ARHGAP39: variants seen among roughly 807,000 people sequenced by gnomAD.
The protein encoded by ARHGAP39 is Rho GTPase activating protein 39.
A neutral mutation model predicts 106.9 loss-of-function variants in ARHGAP39; 44 were observed. The ratio of observed to expected loss-of-function variants is 0.41; its 90% CI spans 0.32 to 0.53. The LOEUF is 0.53. ARHGAP39 is among the 20% of genes least tolerant of loss of function. ARHGAP39 has a pLI of 0.21. For missense variants in ARHGAP39, 1,496 were observed against 1,577.3 expected, an observed-to-expected ratio of 0.95 and a Z score of 0.87; for synonymous variants, 768 against 693.2, an observed-to-expected ratio of 1.11 and a Z score of -1.69.
intron 5 of ARHGAP39, among the ~76,000 whole-genome samples, chr8:144,546,690 G>A (rs140828357): frequency 4.6e-5 from 7 of 152,288 alleles, no homozygotes; most frequent in South Asian, 4.1e-4. Context: ...CTGTCCTCCC[G>A]GCAGTTCTTC....
At chr8:144,557,928 G>A (rs1342201692) in intron 3 of ARHGAP39, among the ~76,000 whole-genome samples, 3 of 152,230 alleles carry the variant, frequency 2.0e-5, no homozygotes, top group African/African-American at 7.2e-5. Flanking sequence ...ATATTTGAAA[G>A]GAAGACATAA....
At position 144,621,418 on chromosome 8, in the gene ARHGAP39, A is replaced by G. The variant is rs190361527; in HGVS notation, c.-81-15723T>C. On this transcript the variant is annotated intron_variant, in intron 1 of 11. Coordinates refer to ENST00000377307, the MANE Select transcript of ARHGAP39 (RefSeq NM_025251.3). ...ACAAACCCCAGGAAGAGACAGTCCC[A>G]TGGCTTCATATCAACACGACAGGGT... Among the ~76,000 whole-genome samples, 382 of 152,352 alleles carry G rather than the reference A, an allele frequency of 2.5e-3. 4 individuals are homozygous for G. The highest frequency in any genetic ancestry group is 9.8e-4 in the Non-Finnish European group (67 of 68,032).
chr8:144,602,311 GTGCA>G (rs1820034624), intron 2 of ARHGAP39, among the ~76,000 whole-genome samples: 1 of 138,928 alleles, frequency 7.2e-6, no homozygotes, highest in African/African-American at 2.7e-5. Context: ...ACCTGTGTGT[GTGCA>G]TGGAGGCGTG....
chr8:144,532,639 C>A (rs111825321), intron 9 of ARHGAP39, among the ~76,000 whole-genome samples: 1 of 152,142 alleles, frequency 6.6e-6, no homozygotes, highest in South Asian at 2.1e-4. Flanking sequence ...CTCCCTGGAC[C>A]CCTGCTGGCT....
intron 2 of ARHGAP39, among the ~76,000 whole-genome samples, chr8:144,593,556 A>T (rs1819486153): frequency 6.6e-6 from 1 of 152,192 alleles, no homozygotes; most frequent in Non-Finnish European, 1.5e-5. Flanking sequence ...CACATGCAAT[A>T]AGACAAACAA....
intron 2 of ARHGAP39, among the ~76,000 whole-genome samples, chr8:144,603,938 T>C (rs1034456576): frequency 1.1e-4 from 17 of 152,180 alleles, no homozygotes; most frequent in Non-Finnish European, 1.5e-5. Flanking sequence ...TGGGCGCTTA[T>C]GCACCAAGCC....
chr8:144,619,676 G>A (rs1165464390), intron 1 of ARHGAP39, among the ~76,000 whole-genome samples: 1 of 151,442 alleles, frequency 6.6e-6, no homozygotes, highest in African/African-American at 2.4e-5. Flanking sequence ...CTGAGAGCAC[G>A]TATGCCTGTG....
intron 2 of ARHGAP39, among the ~76,000 whole-genome samples, chr8:144,598,604 G>A (rs1219051844): frequency 6.6e-6 from 1 of 152,222 alleles, no homozygotes; most frequent in African/African-American, 2.4e-5. Flanking sequence ...GATGCATGTG[G>A]AAAACAAACA....
intron 7 of ARHGAP39, among the ~76,000 whole-genome samples, chr8:144,534,406 G>A (rs1816869135): frequency 6.6e-6 from 1 of 152,200 alleles, no homozygotes; most frequent in Non-Finnish European, 1.5e-5. Context: ...TTCCCCACCT[G>A]CAGAGGGACA....
intron 3 of ARHGAP39, among the ~76,000 whole-genome samples, chr8:144,557,932 G>T (rs188082478): frequency 2.8e-4 from 43 of 152,322 alleles, no homozygotes; most frequent in Admixed American, 8.5e-4. Context: ...TTGAAAGGAA[G>T]ACATAAAAAT....
Position 144,586,855 on chromosome 8 carries a change from A to G in ARHGAP39, c.81-5578T>C, listed in dbSNP as rs545604153. Reference sequence around the variant, plus strand: ...CCCTACATGGCTGCACGCCCATCTCATACACCAGGATGGGCAATGATATGG... The same window carrying G: ...CCCTACATGGCTGCACGCCCATCTCGTACACCAGGATGGGCAATGATATGG... On this transcript the variant is annotated intron_variant, in intron 2 of 11. Transcript: ENST00000377307. This position sits in a 1 kb window ranked among gnomAD's most constrained non-coding sequence, Gnocchi z 4.2. Among the ~76,000 whole-genome samples, 31 of 152,162 alleles carry G rather than the reference A, an allele frequency of 2.0e-4. No individual in the cohort carries two copies. Among genetic ancestry groups the G allele is most frequent in the African/African-American group, 7.5e-4 (31 of 41,504 alleles).
At chr8:144,530,649 C>CGGGGGGGGGGGG in intron 11 of ARHGAP39, 33 bp from the exon 12 acceptor site, 1 of 134,168 alleles carries the variant, frequency 7.5e-6, no homozygotes, top group Non-Finnish European at 9.9e-6. Flanking sequence ...CGCGGAGGGG[C>CGGGGGGGGGGGG]GGGGGCGGGG....
intron 1 of ARHGAP39, among the ~76,000 whole-genome samples, chr8:144,636,225 C>T (rs1167569509): frequency 6.6e-6 from 1 of 152,144 alleles, no homozygotes; most frequent in African/African-American, 2.4e-5. Flanking sequence ...TCTTGGTGAC[C>T]ACAGGTAGAT....
Position 144,588,437 on chromosome 8 carries a change from G to A in ARHGAP39, c.81-7160C>T, listed in dbSNP as rs1013801646. ...GTATGTTAGCTAACATGTTTTCAGA[G>A]GAAGAGAAATGTGCCTCACCCTATG... On this transcript the variant is annotated intron_variant, in intron 2 of 11. Coordinates refer to ENST00000377307, the MANE Select transcript of ARHGAP39 (RefSeq NM_025251.3). 1.3e-5 allele frequency among the ~76,000 whole-genome samples: 2 copies of A among 152,388 alleles called. 1 individual carries two copies. The highest frequency in any genetic ancestry group is 1.3e-4 in the Admixed American group (2 of 15,310).
chr8:144,588,158 T>TG (rs1819253355), intron 2 of ARHGAP39, among the ~76,000 whole-genome samples: 1 of 152,182 alleles, frequency 6.6e-6, no homozygotes, highest in Non-Finnish European at 1.5e-5. Context: ...GACAGCACTG[T>TG]GGGGACTCGT....
In ARHGAP39 at chr8:144,605,601, T is replaced by G. The variant is rs1018398164; in HGVS notation, c.14A>C (p.Gln5Pro). 6.2e-7 allele frequency: 1 copy of G among 1,613,538 alleles called. No homozygotes were observed. The highest frequency in any genetic ancestry group is 2.2e-5 in the East Asian group (1 of 44,884). ...ATTATGGCTCCTGCACTCGTAGTCC[T>G]GCGTCTGGGACATCGCTGTTTGCTT... MSQT[Q>P]DYECRSHNVD... The change falls in exon 2 of 12, where the codon CAG (glutamine) becomes CCG (proline). Residue 5 changes from glutamine (Q) to proline (P), a missense_variant. Gln to Pro is a moderately conservative substitution (Grantham distance 76, BLOSUM62 -1). Transcript: ENST00000377307.
rs1822103795 is a variant in ARHGAP39, at chr8:144,671,631, A to AGCT, written c.-82+14052_-82+14054dup. On this transcript the variant is annotated intron_variant, in intron 1 of 11. Transcript: ENST00000377307. This position sits in a 1 kb window ranked among gnomAD's most constrained non-coding sequence, Gnocchi z 4.5. ...GTGCCTGGTGAATAGCCCAAGGCTC[A>AGCT]GCTGCTGATACTCCTCCTTTCCAGA... Among the ~76,000 whole-genome samples, 1 of 152,230 alleles carries AGCT rather than the reference A, an allele frequency of 6.6e-6. No homozygotes were observed. The highest frequency in any genetic ancestry group is 2.1e-4 in the South Asian group (1 of 4,830).
chr8:144,542,754 C>A (rs1306982609), intron 6 of ARHGAP39, among the ~76,000 whole-genome samples: 1 of 151,816 alleles, frequency 6.6e-6, no homozygotes, highest in Non-Finnish European at 1.5e-5. Context: ...TCCTGGCCAA[C>A]GTGGTGAAAC....
At chr8:144,589,977 C>T (rs1252662620) in intron 2 of ARHGAP39, among the ~76,000 whole-genome samples, 3 of 152,256 alleles carry the variant, frequency 2.0e-5, no homozygotes, top group Non-Finnish European at 2.9e-5. Context: ...TCGGGGCCCA[C>T]GACGCCCTGA....
Sources: allele counts gnomAD v4.1 joint callset (sites outside exome capture counted in the v4.1 genomes callset), GRCh38; gene constraint gnomAD v4.1.1; non-coding constraint Gnocchi (gnomAD v3.1); transcripts MANE v1.5; gene names NCBI Gene and HGNC (gene_info 2026-07-23, HGNC 2026-07-21).